Variants in DOK6 observed in about 807,000 individuals in gnomAD.
DOK6 encodes downstream of tyrosine kinase 6.
In DOK6, 22 loss-of-function variants were observed where a neutral mutation model predicts 44.0. The observed-to-expected ratio is 0.50, with a 90% confidence interval of 0.36 to 0.71. The LOEUF (loss-of-function observed/expected upper bound fraction) is 0.71. DOK6 is among the 30% of genes least tolerant of loss of function. The pLI is 0.00. For synonymous variants in DOK6, 166 were observed against 145.5 expected, an observed-to-expected ratio of 1.14 and a Z score of -1.01; for missense variants, 340 against 416.4, an observed-to-expected ratio of 0.82 and a Z score of 1.60.
At chr18:69,763,804 T>C (rs558312358) in intron 7 of DOK6, among the ~76,000 whole-genome samples, 2 of 152,230 alleles carry the variant, frequency 1.3e-5, no homozygotes, top group East Asian at 3.9e-4. Context: ...TTATTGAAAA[T>C]GACAAATCAA....
intron 7 of DOK6, among the ~76,000 whole-genome samples, chr18:69,817,447 C>G (rs960373684): frequency 6.6e-6 from 1 of 152,108 alleles, no homozygotes; most frequent in African/African-American, 2.4e-5. Context: ...GTGTAAACAA[C>G]AGAGATTTAT....
intron 7 of DOK6, among the ~76,000 whole-genome samples, chr18:69,817,034 C>T (rs1194029143): frequency 6.6e-6 from 1 of 152,158 alleles, no homozygotes; most frequent in Non-Finnish European, 1.5e-5. Flanking sequence ...AGACACATAC[C>T]TTCAATAAAC....
At chr18:69,454,975 G>T (rs1979583784) in intron 1 of DOK6, among the ~76,000 whole-genome samples, 1 of 143,310 alleles carries the variant, frequency 7.0e-6, no homozygotes, top group African/African-American at 2.6e-5. Flanking sequence ...CGAGTTAGTG[G>T]GTGCAGCGCA....
chr18:69,724,803 C>A (rs1303598924), intron 5 of DOK6: 1 of 152,170 alleles, frequency 6.6e-6, no homozygotes, highest in Non-Finnish European at 1.5e-5. Flanking sequence ...GTTGTTAAAA[C>A]ACTTACCTGA....
At chr18:69,764,190 C>T (rs1979647583) in intron 7 of DOK6, among the ~76,000 whole-genome samples, 1 of 152,126 alleles carries the variant, frequency 6.6e-6, no homozygotes, top group African/African-American at 2.4e-5. Flanking sequence ...TCTCTCTACA[C>T]CTGCTGCCTT....
rs1459324560 is a variant in DOK6 at position 69,615,830 on chromosome 18, T to C, written c.289+16332T>C. Reference sequence around the variant, plus strand: ...ACCAGCCTCTACCGTGCATGGGGTATCAGAGAAATTGATGTGTTCAGTTGA... The same window carrying C: ...ACCAGCCTCTACCGTGCATGGGGTACCAGAGAAATTGATGTGTTCAGTTGA... On this transcript the variant is annotated intron_variant, in intron 3 of 7. Transcript: ENST00000382713. Among the ~76,000 whole-genome samples, 13 of 152,302 alleles carry C rather than the reference T, an allele frequency of 8.5e-5. No individual in the cohort carries two copies. The South Asian group carries it at 1.2e-3, about 15-fold the overall frequency.
At chr18:69,765,284 T>C (rs1421050512) in intron 7 of DOK6, among the ~76,000 whole-genome samples, 3 of 152,206 alleles carry the variant, frequency 2.0e-5, no homozygotes, top group South Asian at 2.1e-4. Context: ...TGAAGCCTGA[T>C]AGCCATTTGG....
chr18:69,484,158 A>G (rs1980507881), intron 1 of DOK6, among the ~76,000 whole-genome samples: 1 of 152,068 alleles, frequency 6.6e-6, no homozygotes, highest in African/African-American at 2.4e-5. Context: ...CATAAAAAAA[A>G]TAATTAAATG....
chr18:69,792,875 T>C (rs975369969), intron 7 of DOK6, among the ~76,000 whole-genome samples: 2 of 152,124 alleles, frequency 1.3e-5, no homozygotes, highest in Non-Finnish European at 2.9e-5. Context: ...TAAAAAGTGA[T>C]GCAAATTATA....
chr18:69,446,147 G>C (rs946841553), intron 1 of DOK6, among the ~76,000 whole-genome samples: 3 of 151,786 alleles, frequency 2.0e-5, no homozygotes, highest in African/African-American at 7.3e-5. Context: ...ATGTTGGTGT[G>C]CTGCACTCAT....
At chr18:69,444,904 G>A (rs1407786429) in intron 1 of DOK6, among the ~76,000 whole-genome samples, 17 of 152,000 alleles carry the variant, frequency 1.1e-4, no homozygotes, top group Admixed American at 9.2e-4. Context: ...CATTGATTCT[G>A]TAGATCACTT....
intron 1 of DOK6, among the ~76,000 whole-genome samples, chr18:69,408,383 A>G (rs1050764110): frequency 3.3e-5 from 5 of 151,968 alleles, no homozygotes; most frequent in African/African-American, 4.8e-5. Context: ...GCCACACTGA[A>G]TTGACACAAT....
chr18:69,479,639 C>A (rs925054632), intron 1 of DOK6, among the ~76,000 whole-genome samples: 4 of 152,098 alleles, frequency 2.6e-5, no homozygotes, highest in South Asian at 2.1e-4. Context: ...TTAAAATATT[C>A]TTCTCCAAGT....
At chr18:69,531,384 A>G (rs1246781063) in intron 1 of DOK6, among the ~76,000 whole-genome samples, 1 of 151,270 alleles carries the variant, frequency 6.6e-6, no homozygotes, top group African/African-American at 2.4e-5. Flanking sequence ...GACAGAATGC[A>G]CTTACCCAGT....
chr18:69,646,097 AT>A (rs1985066283), intron 3 of DOK6, among the ~76,000 whole-genome samples: 1 of 152,132 alleles, frequency 6.6e-6, no homozygotes, highest in Non-Finnish European at 1.5e-5. Context: ...GGAATCAATG[AT>A]TCTTTTAAAT....
At chr18:69,698,257 G>A (rs1986431426) in intron 4 of DOK6, 147 bp from the exon 5 acceptor site, 3 of 634,740 alleles carry the variant, frequency 4.7e-6, no homozygotes, top group South Asian at 2.6e-5. Flanking sequence ...TTTGAAATAT[G>A]TCATGTTCTA....
At chr18:69,705,100 A>G (rs2144709668) in intron 5 of DOK6, 1 of 152,172 alleles carries the variant, frequency 6.6e-6, no homozygotes, top group Non-Finnish European at 1.5e-5. Flanking sequence ...CTCCAGGAGG[A>G]TTTTCCTTTA....
chr18:69,693,201 G>T (rs1986304847), intron 4 of DOK6, among the ~76,000 whole-genome samples: 1 of 150,882 alleles, frequency 6.6e-6, no homozygotes, highest in African/African-American at 2.4e-5. Context: ...GAATATTTAG[G>T]TATAATACTT....
intron 1 of DOK6, among the ~76,000 whole-genome samples, chr18:69,535,184 G>T (rs1434932609): frequency 6.6e-6 from 1 of 152,036 alleles, no homozygotes; most frequent in African/African-American, 2.4e-5. Flanking sequence ...CGTTGTGCAT[G>T]TATCTCTTCA....
Sources: allele counts gnomAD v4.1 joint callset (sites outside exome capture counted in the v4.1 genomes callset), GRCh38; gene constraint gnomAD v4.1.1; transcripts MANE v1.5; gene names NCBI Gene and HGNC (gene_info 2026-07-23, HGNC 2026-07-21).